PRPSAP1: variants seen among roughly 807,000 people sequenced by gnomAD.
PRPSAP1 encodes the protein phosphoribosyl pyrophosphate synthase-associated protein 1.
A neutral mutation model predicts 39.4 loss-of-function variants in PRPSAP1; 31 were observed. The ratio of observed to expected loss-of-function variants is 0.79; its 90% CI spans 0.59 to 1.06. PRPSAP1 has a LOEUF of 1.06. Among genes scored for constraint, PRPSAP1 ranks in the 50% least tolerant of loss-of-function variants. PRPSAP1 has a pLI of 0.00. For synonymous variants in PRPSAP1, 212 were observed against 192.6 expected, an observed-to-expected ratio of 1.10 and a Z score of -0.83; for missense variants, 430 against 511.6, an observed-to-expected ratio of 0.84 and a Z score of 1.54.
At position 76,353,456 on chromosome 17, in the gene PRPSAP1, A is replaced by T. The variant is rs1173124929; in HGVS notation, c.170+78T>A. Reference sequence around the variant, plus strand: ...CAGGTGCAGGAGGTGGGGCGGGTGGAGGGGAGCGGGTCCCTCCGGGCGCGA... The same window carrying T: ...CAGGTGCAGGAGGTGGGGCGGGTGGTGGGGAGCGGGTCCCTCCGGGCGCGA... On this transcript the variant is annotated intron_variant, in intron 1 of 9. Transcript: ENST00000446526. 4 of 1,332,252 alleles carry T rather than the reference A, an allele frequency of 3.0e-6. No individual in the cohort carries two copies. In the African/African-American group the frequency reaches 6.2e-5, roughly 21 times the overall value. 82.5% of individuals were successfully genotyped at this position (1,332,252 alleles called of 1,614,324 possible). A position where few individuals can be genotyped will look rare whatever the true frequency, so the allele number is the denominator to read the frequency against.
intron 1 of PRPSAP1, chr17:76,353,260 T>G: frequency 4.7e-6 from 2 of 422,838 alleles, no homozygotes; most frequent in South Asian, 4.0e-5. Context: ...CGCCCCGGGG[T>G]GTGGGACTGC....
rs1329252256 is a variant in PRPSAP1, at chr17:76,313,819, A to G, written c.852+2T>C. On this transcript the variant is annotated splice_donor_variant, in intron 8 of 9. Transcript: ENST00000446526. LOFTEE classifies it high-confidence loss of function. Reference sequence around the variant, plus strand: ...CTGCACATGGATGACATATAACCATACCACGATGATTGCGATGCGGCCTCC... The same window carrying G: ...CTGCACATGGATGACATATAACCATGCCACGATGATTGCGATGCGGCCTCC... The G allele has an allele frequency of 6.2e-7, 1 of 1,614,048 alleles. No homozygotes were observed. The highest frequency in any genetic ancestry group is 8.5e-7 in the Non-Finnish European group (1 of 1,180,034).
chr17:76,344,265 C>A (rs1469811179), intron 3 of PRPSAP1, among the ~76,000 whole-genome samples: 1 of 152,170 alleles, frequency 6.6e-6, no homozygotes, highest in Non-Finnish European at 1.5e-5. Flanking sequence ...GTAGCTGGGA[C>A]TATAGGTGCC....
At chr17:76,345,893 A>T in intron 2 of PRPSAP1, 2 of 420,276 alleles carry the variant, frequency 4.8e-6, no homozygotes, top group Admixed American at 5.6e-5. Context: ...AAGGTGAAAG[A>T]CGAACCACAG....
At chr17:76,351,761 T>G (rs183486695) in intron 1 of PRPSAP1, among the ~76,000 whole-genome samples, 1 of 152,140 alleles carries the variant, frequency 6.6e-6, no homozygotes, top group Non-Finnish European at 1.5e-5. Context: ...TTTATGAATA[T>G]GTATCATTTA....
chr17:76,342,986 A>G (rs1310409942), intron 3 of PRPSAP1, among the ~76,000 whole-genome samples: 2 of 152,092 alleles, frequency 1.3e-5, no homozygotes, highest in Non-Finnish European at 2.9e-5. Flanking sequence ...AGGCTGAGGT[A>G]GAATCACTTG....
At position 76,310,945 on chromosome 17, in the gene PRPSAP1, T is replaced by C. The variant is rs2071064838; in HGVS notation, c.*597A>G. The C allele has an allele frequency of 6.6e-6, 1 of 152,192 alleles. No homozygotes were observed. The highest frequency in any genetic ancestry group is 2.4e-5 in the African/African-American group (1 of 41,444). The allele number at this position is 152,192 out of a possible 1,614,324, so 9.4% of individuals were successfully genotyped here. A position where few individuals can be genotyped will look rare whatever the true frequency, so the allele number is the denominator to read the frequency against. On this transcript the variant is annotated 3_prime_UTR_variant, in exon 10 of 10. Coordinates refer to ENST00000446526, the MANE Select transcript of PRPSAP1 (RefSeq NM_002766.3). The stretch of plus-strand genomic sequence containing the variant: ...AAAAGACTAGCAAGACAACAAATTA[T>C]TTTATTTGCAACTTCAGAGCCACTC...
rs147075140 is a variant in PRPSAP1, at chr17:76,353,526, C to T, written c.170+8G>A. ...GCCCCCGGCCCGGCCCTCCCACCGC[C>T]CCCTTACTCTGTGATGCGCTTGGCC... On this transcript the variant is annotated splice_region_variant and intron_variant, in intron 1 of 9. Coordinates refer to ENST00000446526, the MANE Select transcript of PRPSAP1 (RefSeq NM_002766.3). The T allele has an allele frequency of 8.2e-4, 1,236 of 1,507,582 alleles. 31 individuals are homozygous for T. In the East Asian group the frequency reaches 0.035, roughly 42 times the overall value. The allele number at this position is 1,507,582 out of a possible 1,614,324, so 93.4% of individuals were successfully genotyped here. A position where few individuals can be genotyped will look rare whatever the true frequency, so the allele number is the denominator to read the frequency against.
intron 7 of PRPSAP1, among the ~76,000 whole-genome samples, chr17:76,318,942 T>A (rs1165418704): frequency 6.6e-6 from 1 of 152,136 alleles, no homozygotes; most frequent in Non-Finnish European, 1.5e-5. Context: ...CGGTCTTTTT[T>A]TATTTTTATT....
chr17:76,341,323 G>C (rs1050767052), intron 3 of PRPSAP1, among the ~76,000 whole-genome samples: 8 of 142,940 alleles, frequency 5.6e-5, no homozygotes, highest in Admixed American at 1.5e-4. Context: ...CTGTAGCCTC[G>C]ACCACCCAGG....
intron 3 of PRPSAP1, among the ~76,000 whole-genome samples, chr17:76,343,344 G>A (rs926836979): frequency 2.6e-5 from 4 of 152,238 alleles, no homozygotes; most frequent in Admixed American, 1.3e-4. Context: ...AAGCAAGGGC[G>A]ACGATCTCTG....
intron 3 of PRPSAP1, 100 bp downstream of exon 3, chr17:76,344,571 A>G (rs1283788342): frequency 4.5e-6 from 5 of 1,118,644 alleles, no homozygotes; most frequent in East Asian, 4.9e-5. Flanking sequence ...GCCTGAATAT[A>G]TAACTTTTAA....
intron 3 of PRPSAP1, among the ~76,000 whole-genome samples, chr17:76,338,007 T>G (rs1239681690): frequency 6.6e-6 from 1 of 150,662 alleles, no homozygotes; most frequent in Non-Finnish European, 1.5e-5. Flanking sequence ...AAGCTTCATA[T>G]TTTACTTAGT....
At chr17:76,312,143 G>A (rs1360531583) in intron 9 of PRPSAP1, among the ~76,000 whole-genome samples, 1 of 152,130 alleles carries the variant, frequency 6.6e-6, no homozygotes, top group East Asian at 1.9e-4. Context: ...AATATTTTAA[G>A]TAGAAAATGC....
In PRPSAP1 at chr17:76,349,783, T is replaced by C. The variant is rs915495936; in HGVS notation, c.171-1202A>G. ...TCTCAAAAAATAATAATAAAAAAAA[T>C]AAAATTAACATCTCCAGCCAGGCCA... On this transcript the variant is annotated intron_variant, in intron 1 of 9. Transcript: ENST00000446526. Among the ~76,000 whole-genome samples, 30 of 151,366 alleles carry C rather than the reference T, an allele frequency of 2.0e-4. 1 individual carries two copies. The highest frequency in any genetic ancestry group is 5.6e-4 in the African/African-American group (23 of 41,242).
intron 1 of PRPSAP1, among the ~76,000 whole-genome samples, chr17:76,350,298 G>C (rs1430913291): frequency 1.3e-5 from 2 of 151,940 alleles, no homozygotes; most frequent in East Asian, 1.9e-4. Flanking sequence ...AATTAGCCGG[G>C]CGTGGTGGAG....
intron 7 of PRPSAP1, among the ~76,000 whole-genome samples, chr17:76,325,388 G>A (rs1469031789): frequency 3.6e-4 from 36 of 101,394 alleles, no homozygotes; most frequent in African/African-American, 1.3e-3. Context: ...CAGCCTGGGC[G>A]ACAGAGCGAG....
intron 3 of PRPSAP1, among the ~76,000 whole-genome samples, chr17:76,333,534 A>G (rs1233304802): frequency 6.6e-6 from 1 of 152,036 alleles, no homozygotes; most frequent in Non-Finnish European, 1.5e-5. Context: ...AGTCCCAGCT[A>G]CTGGGGAGGC....
rs947549970 is a variant in PRPSAP1, at chr17:76,348,452, GAC to G, written c.223+75_223+76del. The G allele has an allele frequency of 5.3e-6, 5 of 950,622 alleles. No homozygotes were observed. The African/African-American group carries it at 7.1e-5, about 13-fold the overall frequency. 58.9% of individuals were successfully genotyped at this position (950,622 alleles called of 1,614,324 possible). A position where few individuals can be genotyped will look rare whatever the true frequency, so the allele number is the denominator to read the frequency against. Reference sequence around the variant, plus strand: ...CATGCCACTGCACTCCAGCCTGGGCGACAGAGTGAGGCTCTGTCTCAAAAAAA... The same window carrying G: ...CATGCCACTGCACTCCAGCCTGGGCGAGAGTGAGGCTCTGTCTCAAAAAAA... On this transcript the variant is annotated intron_variant, in intron 2 of 9. Transcript: ENST00000446526.
Sources: gnomAD v4.1 joint callset for allele counts (sites outside exome capture counted in the v4.1 genomes callset) on GRCh38, gnomAD v4.1.1 for gene constraint, MANE v1.5 for transcripts, NCBI Gene and HGNC (gene_info 2026-07-23, HGNC 2026-07-21) for gene names.